The following C5 variants were observed in gnomAD, a reference collection of about 807,000 sequenced individuals.
The protein encoded by C5 is C3 and PZP-like alpha-2-macroglobulin domain-containing protein 4.
Under a neutral mutation model 218.8 loss-of-function variants are expected in C5, and 140 were observed. The ratio of observed to expected loss-of-function variants is 0.64; its 90% confidence interval spans 0.56 to 0.74. C5 has a LOEUF of 0.74. Among genes scored for constraint, C5 ranks in the 30% least tolerant of loss-of-function variants. C5 has a pLI of 0.00. For missense variants in C5, 1,700 were observed against 1,969.6 expected (o/e 0.86, Z 2.59); for synonymous variants, 614 against 682.3 (o/e 0.90, Z 1.56).
Position 121,021,544 on chromosome 9 carries a change from T to A in C5, c.1267A>T (p.Asn423Tyr). The change falls in exon 11 of 41, where the codon AAT becomes TAT. Residue 423 changes from asparagine to tyrosine, a missense_variant. Transcript: ENST00000223642. ...VDDGVASFVLNLPSGVTVLEF... is the reference protein window; with the variant it reads ...VDDGVASFVLYLPSGVTVLEF... ...AGCACCGTCACTCCAGATGGGAGATTAAGCACAAAGGAAGCTACTCCATCA... is the reference window on the plus strand; with the variant it reads ...AGCACCGTCACTCCAGATGGGAGATAAAGCACAAAGGAAGCTACTCCATCA... The A allele has an allele frequency of 6.2e-7, 1 of 1,613,986 alleles. No individual in the cohort carries two copies. Among genetic ancestry groups the A allele is most frequent in the South Asian group, 1.1e-5 (1 of 91,080 alleles).
chr9:120,970,386 G>T, intron 31 of C5, 135 bp from the exon 32 acceptor site: 1 of 703,744 alleles, frequency 1.4e-6, no homozygotes. Flanking sequence ...GTGTACATTA[G>T]TGACTCATTT....
the C5 span, among the ~76,000 whole-genome samples, chr9:121,060,335 C>A: frequency 4.6e-5 from 7 of 152,234 alleles, no homozygotes; most frequent in Non-Finnish European, 8.8e-5. Flanking sequence ...TCTGGCTTCT[C>A]ATCTTACATT....
Position 121,002,316 on chromosome 9 carries a change from GTATATA to G in C5, c.2562+3597_2562+3602del, listed in dbSNP as rs71370614. Among the ~76,000 whole-genome samples, 110 of 87,398 alleles carry G rather than the reference GTATATA, an allele frequency of 1.3e-3. 4 individuals are homozygous for G. Among genetic ancestry groups the G allele is most frequent in the Non-Finnish European group, 2.0e-3 (92 of 45,320 alleles). The allele number at this position is 87,398 out of a possible 152,430, so 57.3% of individuals were successfully genotyped here. ...TATATATGTATATATATATGTGTGT[GTATATA>G]TATATATATATATATATATACACAC... On this transcript the variant is annotated intron_variant, in intron 20 of 40. Transcript: ENST00000223642.
At chr9:120,988,630 C>T (rs1172096711) in intron 25 of C5, among the ~76,000 whole-genome samples, 1 of 152,156 alleles carries the variant, frequency 6.6e-6, no homozygotes. Context: ...TTGTAAATCA[C>T]AATAAAAAGT....
intron 25 of C5, 77 bp from the exon 26 acceptor site, chr9:120,982,891 A>C: frequency 1.2e-6 from 1 of 804,364 alleles, no homozygotes; most frequent in South Asian, 1.6e-5. Context: ...ATACAACTTT[A>C]TTCTTTAAAA....
At chr9:120,954,473 C>G (rs1252628680) in intron 39 of C5, among the ~76,000 whole-genome samples, 2 of 152,178 alleles carry the variant, frequency 1.3e-5, no homozygotes, top group Non-Finnish European at 2.9e-5. Context: ...TCTTGAATTT[C>G]ATTTATCTTG....
chr9:120,982,199 A>T (rs1416772101), intron 26 of C5, among the ~76,000 whole-genome samples: 3 of 152,156 alleles, frequency 2.0e-5, no homozygotes, highest in East Asian at 3.9e-4. Flanking sequence ...TTTAGTAGAG[A>T]CGGGGTTTCA....
intron 28 of C5, among the ~76,000 whole-genome samples, chr9:120,978,195 T>G (rs1025213232): frequency 6.6e-5 from 10 of 152,188 alleles, no homozygotes; most frequent in Admixed American, 5.9e-4. Flanking sequence ...AAATTATATT[T>G]GTTATTTAAA....
At chr9:121,072,802 T>C in the C5 span, among the ~76,000 whole-genome samples, 1 of 129,680 alleles carries the variant, frequency 7.7e-6, no homozygotes, top group African/African-American at 3.2e-5. Context: ...CCAGACTCTG[T>C]TCAAAAAATT....
At chr9:121,019,496 T>C (rs993730527) in intron 12 of C5, among the ~76,000 whole-genome samples, 11 of 152,204 alleles carry the variant, frequency 7.2e-5, no homozygotes, top group African/African-American at 2.7e-4. Context: ...AGCTACGGAA[T>C]TGGAACAGGC....
chr9:121,004,600 C>T (rs1216811730), intron 20 of C5, among the ~76,000 whole-genome samples: 1 of 152,082 alleles, frequency 6.6e-6, no homozygotes, highest in Non-Finnish European at 1.5e-5. Context: ...ATGGCGAAAC[C>T]TGTCTCTACT....
rs112933778 is a variant in C5, at chr9:120,975,320, G to C, written c.3865-389C>G. On this transcript the variant is annotated intron_variant, in intron 29 of 40. Transcript: ENST00000223642. ...CTTTCCCGTTATTCTCTGTTTTAAG[G>C]TTCCCTTTTTGCCCTTTCTAGCATT... Among the ~76,000 whole-genome samples the C allele has an allele frequency of 1.9e-4, 29 of 152,156 alleles. 1 individual carries two copies. Among genetic ancestry groups the C allele is most frequent in the African/African-American group, 5.5e-4 (23 of 41,502 alleles).
At chr9:121,058,798 C>G in the C5 span, among the ~76,000 whole-genome samples, 1 of 152,178 alleles carries the variant, frequency 6.6e-6, no homozygotes, top group Non-Finnish European at 1.5e-5. Context: ...TATCCCAGTC[C>G]ACACATTTTG....
At chr9:121,017,940 G>A (rs1412758622) in intron 12 of C5, 88 bp from the exon 13 acceptor site, 3 of 836,546 alleles carry the variant, frequency 3.6e-6, no homozygotes, top group Non-Finnish European at 6.0e-6. Context: ...TGGAGCTGGA[G>A]CAGAAATTAT....
At chr9:121,002,345 C>CATATATATATAT (rs1450085710) in intron 20 of C5, among the ~76,000 whole-genome samples, 1 of 96,736 alleles carries the variant, frequency 1.0e-5, no homozygotes, top group Non-Finnish European at 2.0e-5. Context: ...TATATATACA[C>CATATATATATAT]ACATACCTAC....
intron 25 of C5, among the ~76,000 whole-genome samples, chr9:120,987,362 T>C (rs895152465): frequency 2.8e-4 from 42 of 151,926 alleles, no homozygotes; most frequent in Non-Finnish European, 4.1e-4. Context: ...GAAAAAAAAC[T>C]GGCCAGGCGC....
intron 39 of C5, chr9:120,957,078 C>A: frequency 4.3e-6 from 2 of 465,804 alleles, no homozygotes; most frequent in Non-Finnish European, 4.0e-6. Flanking sequence ...AAACATTTTG[C>A]TGAAGTTTTA....
chr9:121,033,013 G>GTGTGTGTGTGTGT (rs1554724861), intron 5 of C5, among the ~76,000 whole-genome samples: 4 of 143,072 alleles, frequency 2.8e-5, no homozygotes, highest in African/African-American at 8.7e-5. Context: ...AAAAACTATG[G>GTGTGTGTGTGTGT]GTGTGTGTGT....
chr9:120,970,046 A>G (rs143358757), intron 32 of C5, 124 bp downstream of exon 32: 4 of 703,264 alleles, frequency 5.7e-6, no homozygotes, highest in South Asian at 4.7e-5. Flanking sequence ...TCAACCTGCT[A>G]AAGTATTTGG....
Sources: allele counts gnomAD v4.1 joint callset (sites outside exome capture counted in the v4.1 genomes callset), GRCh38; gene constraint gnomAD v4.1.1; transcripts MANE v1.5; gene names NCBI Gene and HGNC (gene_info 2026-07-23, HGNC 2026-07-21).